The following DHRS12 variants were observed in gnomAD, a reference collection of about 807,000 sequenced individuals.
DHRS12 encodes dehydrogenase/reductase 12, also known as dehydrogenase/reductase SDR family member 12.
Under a neutral mutation model 32.1 loss-of-function variants are expected in DHRS12, and 29 were observed. That is an observed-to-expected ratio of 0.90 (90% CI 0.67 to 1.23). The LOEUF (loss-of-function observed/expected upper bound fraction) is 1.23. DHRS12 is among the 50% of genes most tolerant of loss of function. The pLI is 0.00. For synonymous variants in DHRS12, 150 were observed against 135.9 expected, an observed-to-expected ratio of 1.10 and a Z score of -0.72; for missense variants, 330 against 337.2, an observed-to-expected ratio of 0.98 and a Z score of 0.17.
Position 51,768,042 on chromosome 13 carries a change from A to AGTT in DHRS12, c.*142_*144dup. Reference sequence around the variant, plus strand: ...TCGGTAGTATTTATTTTGAAATAAAAGTTCCCATCCCTTGTAGGCCTCGCT... The same window carrying AGTT: ...TCGGTAGTATTTATTTTGAAATAAAAGTTGTTCCCATCCCTTGTAGGCCTCGCT... On this transcript the variant is annotated 3_prime_UTR_variant, in exon 9 of 9. Coordinates refer to ENST00000444610, the MANE Select transcript of DHRS12 (RefSeq NM_001377533.1). 1 of 1,431,248 alleles carries AGTT rather than the reference A, an allele frequency of 7.0e-7. No homozygotes were observed. The highest frequency in any genetic ancestry group is 9.1e-7 in the Non-Finnish European group (1 of 1,096,798). 88.7% of individuals were successfully genotyped at this position (1,431,248 alleles called of 1,614,324 possible). A position where few individuals can be genotyped will look rare whatever the true frequency, so the allele number is the denominator to read the frequency against.
intron 2 of DHRS12, among the ~76,000 whole-genome samples, chr13:51,794,903 CCT>C (rs1955444942): frequency 1.3e-5 from 2 of 152,070 alleles, no homozygotes; most frequent in East Asian, 1.9e-4. Flanking sequence ...AAAGGTACAC[CCT>C]GTTTCTCCCC....
chr13:51,797,125 T>C (rs1395186176), intron 2 of DHRS12, among the ~76,000 whole-genome samples: 1 of 152,048 alleles, frequency 6.6e-6, no homozygotes, highest in Non-Finnish European at 1.5e-5. Flanking sequence ...GAGGGTCCTT[T>C]TGGGGGTCAG....
intron 1 of DHRS12, among the ~76,000 whole-genome samples, chr13:51,802,009 G>A (rs963835626): frequency 1.3e-5 from 2 of 152,144 alleles, no homozygotes; most frequent in East Asian, 1.9e-4. Context: ...ACATGTCCCC[G>A]CCCTCTGTCC....
intron 2 of DHRS12, among the ~76,000 whole-genome samples, chr13:51,792,339 C>T (rs1955312794): frequency 6.6e-6 from 1 of 152,232 alleles, no homozygotes; most frequent in Non-Finnish European, 1.5e-5. Context: ...TTGCATTTCC[C>T]TGACGACTAC....
intron 4 of DHRS12, among the ~76,000 whole-genome samples, chr13:51,788,823 G>A (rs781653029): frequency 2.6e-5 from 4 of 151,896 alleles, no homozygotes; most frequent in Non-Finnish European, 5.9e-5. Context: ...TCACGTCACT[G>A]CACTCTAGCC....
intron 4 of DHRS12, among the ~76,000 whole-genome samples, chr13:51,777,857 G>A (rs555382057): frequency 3.9e-5 from 6 of 152,322 alleles, no homozygotes; most frequent in Admixed American, 3.9e-4. Flanking sequence ...TCTTATACAT[G>A]CCTGTATTTT....
intron 1 of DHRS12, among the ~76,000 whole-genome samples, chr13:51,800,578 G>A (rs1374514022): frequency 6.6e-6 from 1 of 152,184 alleles, no homozygotes; most frequent in East Asian, 1.9e-4. Context: ...TGCAGGATGG[G>A]ACTCTGATCT....
chr13:51,786,799 C>T (rs1468658540), intron 4 of DHRS12, among the ~76,000 whole-genome samples: 1 of 152,218 alleles, frequency 6.6e-6, no homozygotes, highest in African/African-American at 2.4e-5. Flanking sequence ...GTATCAGGAA[C>T]CTACTGGTGT....
chr13:51,756,523 C>A, the DHRS12 span: 1 of 1,551,308 alleles, frequency 6.4e-7, no homozygotes. Context: ...CTGAGCCTTG[C>A]ACTCAGCGCC....
intron 4 of DHRS12, chr13:51,777,373 GA>G: frequency 4.0e-6 from 2 of 496,026 alleles, no homozygotes; most frequent in Non-Finnish European, 3.6e-6. Flanking sequence ...TACAGGAAGG[GA>G]AAAAGAAAAC....
At chr13:51,763,868 G>A (rs1338202752), downstream of DHRS12, 2 of 152,190 alleles carry the variant, frequency 1.3e-5, no homozygotes, top group African/African-American at 4.8e-5. Flanking sequence ...TTGTTTTTAA[G>A]CAAAAGGATA....
intron 1 of DHRS12, chr13:51,803,411 TAATC>T (rs1000297739): frequency 6.6e-6 from 1 of 152,246 alleles, no homozygotes; most frequent in African/African-American, 2.4e-5. Context: ...GCGGTTAGCC[TAATC>T]AATTCTAAGA....
At chr13:51,790,197 C>A in intron 3 of DHRS12, 105 bp from the exon 4 acceptor site, 1 of 815,546 alleles carries the variant, frequency 1.2e-6, no homozygotes, top group Non-Finnish European at 1.8e-6. Context: ...TTTCAACTTT[C>A]AAGTGACAAT....
intron 4 of DHRS12, among the ~76,000 whole-genome samples, chr13:51,785,524 T>C (rs1447193643): frequency 6.6e-6 from 1 of 152,196 alleles, no homozygotes; most frequent in Non-Finnish European, 1.5e-5. Context: ...GTCCAGTTAA[T>C]CAAAGGGGCT....
intron 2 of DHRS12, among the ~76,000 whole-genome samples, chr13:51,792,271 G>C (rs1566302487): frequency 6.6e-6 from 1 of 151,942 alleles, no homozygotes; most frequent in East Asian, 1.9e-4. Context: ...TTTGTTTTTT[G>C]TTTTTTTAGC....
rs544450308 is a variant in DHRS12 at position 51,777,210 on chromosome 13, G to A, written c.302-89C>T. On this transcript the variant is annotated intron_variant, in intron 4 of 8. Transcript: ENST00000444610. Reference sequence around the variant, plus strand: ...GGACTGATGTGGGGACTGTCTGCCCGCACCCGCCCCCCACAAGAGGGCAAG... The same window carrying A: ...GGACTGATGTGGGGACTGTCTGCCCACACCCGCCCCCCACAAGAGGGCAAG... The A allele has an allele frequency of 7.7e-5, 114 of 1,471,932 alleles. 1 individual carries two copies. The highest frequency in any genetic ancestry group is 4.0e-4 in the Middle Eastern group (2 of 4,962). The allele number at this position is 1,471,932 out of a possible 1,614,324, so 91.2% of individuals were successfully genotyped here. A position where few individuals can be genotyped will look rare whatever the true frequency, so the allele number is the denominator to read the frequency against.
rs1953881198 is a variant in DHRS12, at chr13:51,768,957, AAAG to A, written c.697+196_697+198del. On this transcript the variant is annotated intron_variant, in intron 8 of 8. Coordinates refer to ENST00000444610, the MANE Select transcript of DHRS12 (RefSeq NM_001377533.1). ...GATGACAGGGTTATCACAAGTCTCCAAAGAAGCTACCAACCTGGAGTGAAGCGC... is the reference window on the plus strand; with the variant it reads ...GATGACAGGGTTATCACAAGTCTCCAAAGCTACCAACCTGGAGTGAAGCGC... 5 of 1,404,478 alleles carry A rather than the reference AAAG, an allele frequency of 3.6e-6. No individual in the cohort carries two copies. In the South Asian group the frequency reaches 6.2e-5, roughly 17 times the overall value. 87.0% of individuals were successfully genotyped at this position (1,404,478 alleles called of 1,614,324 possible). A position where few individuals can be genotyped will look rare whatever the true frequency, so the allele number is the denominator to read the frequency against.
At chr13:51,767,933 T>C (rs996379290), downstream of DHRS12, 18 of 1,266,342 alleles carry the variant, frequency 1.4e-5, no homozygotes, top group African/African-American at 2.3e-4. Flanking sequence ...CTTCGAATTC[T>C]TTAGAAAACC....
At chr13:51,769,759 G>A (rs1479584319) in intron 7 of DHRS12, among the ~76,000 whole-genome samples, 5 of 152,206 alleles carry the variant, frequency 3.3e-5, no homozygotes, top group Admixed American at 2.6e-4. Context: ...CTTTTAGGGA[G>A]GAGTAGATAA....
Sources: allele counts gnomAD v4.1 joint callset (sites outside exome capture counted in the v4.1 genomes callset), GRCh38; gene constraint gnomAD v4.1.1; transcripts MANE v1.5; gene names NCBI Gene and HGNC (gene_info 2026-07-23, HGNC 2026-07-21).